Variants in TMEM220 observed in about 807,000 individuals in gnomAD.
TMEM220 encodes transmembrane protein 220.
TMEM220 carries 21 observed loss-of-function variants against 21.7 expected under a neutral mutation model. The ratio of observed to expected loss-of-function variants is 0.97; its 90% CI spans 0.69 to 1.39. TMEM220 has a LOEUF of 1.39. TMEM220 is among the 40% of genes most tolerant of loss of function. The probability of loss-of-function intolerance (pLI) is 0.00; values close to 1 mark genes in which losing one functional copy is unlikely to be tolerated. For missense variants in TMEM220, 191 were observed against 201.9 expected (o/e 0.95, Z 0.33); for synonymous variants, 80 against 73.6 (o/e 1.09, Z -0.45).
intron 3 of TMEM220, 56 bp downstream of exon 3, chr17:10,726,148 A>C: frequency 6.8e-7 from 1 of 1,474,164 alleles, no homozygotes. Context: ...ATAGACCCTC[A>C]TTATTATGAG....
intron 5 of TMEM220, among the ~76,000 whole-genome samples, chr17:10,720,052 T>C (rs977807050): frequency 9.8e-5 from 15 of 152,336 alleles, no homozygotes; most frequent in Non-Finnish European, 2.1e-4. Context: ...TTCAAGATTT[T>C]GATAACATAC....
intron 5 of TMEM220, among the ~76,000 whole-genome samples, chr17:10,720,541 A>G (rs2074975229): frequency 6.6e-6 from 1 of 152,216 alleles, no homozygotes; most frequent in Non-Finnish European, 1.5e-5. Context: ...ATTTTCCCCC[A>G]TAGGGAAAGG....
At chr17:10,721,331 G>A (rs950227804) in intron 5 of TMEM220, among the ~76,000 whole-genome samples, 1 of 152,086 alleles carries the variant, frequency 6.6e-6, no homozygotes, top group South Asian at 2.1e-4. Flanking sequence ...TAAACTGGCC[G>A]GGTGCAGTGG....
intron 1 of TMEM220, 53 bp from the exon 2 acceptor site, chr17:10,729,113 C>T: frequency 1.9e-6 from 3 of 1,603,708 alleles, no homozygotes; most frequent in Non-Finnish European, 2.6e-6. Context: ...TGTTCCATTC[C>T]TTTTAAATTC....
At chr17:10,712,918 G>C (rs561342443), downstream of TMEM220, among the ~76,000 whole-genome samples, 4 of 152,282 alleles carry the variant, frequency 2.6e-5, no homozygotes, top group African/African-American at 9.6e-5. Flanking sequence ...TGGGGAATAC[G>C]TGATTAGATT....
At chr17:10,718,562 AT>A (rs2074951271) in intron 5 of TMEM220, among the ~76,000 whole-genome samples, 1 of 152,052 alleles carries the variant, frequency 6.6e-6, no homozygotes. Context: ...TAAAAAAAAA[AT>A]GTACTTATGT....
At chr17:10,719,785 A>G (rs2074966539) in intron 5 of TMEM220, among the ~76,000 whole-genome samples, 1 of 152,244 alleles carries the variant, frequency 6.6e-6, no homozygotes, top group Admixed American at 6.5e-5. Flanking sequence ...TATACTTTGC[A>G]TAAGCAAAGT....
chr17:10,725,851 G>C (rs2075043334), intron 3 of TMEM220, among the ~76,000 whole-genome samples: 1 of 152,170 alleles, frequency 6.6e-6, no homozygotes. Flanking sequence ...CCTATACAAG[G>C]AGCCCAGGCA....
chr17:10,724,423 T>C (rs1361544203), intron 4 of TMEM220: 1 of 152,676 alleles, frequency 6.5e-6, no homozygotes, highest in Admixed American at 6.5e-5. Context: ...CTACTAAAAA[T>C]ACAAAAATTA....
intron 5 of TMEM220, among the ~76,000 whole-genome samples, chr17:10,722,359 C>A (rs1283139313): frequency 6.6e-6 from 1 of 152,250 alleles, no homozygotes; most frequent in Admixed American, 6.5e-5. Context: ...GAAATCTTTA[C>A]CTTTACATTT....
chr17:10,720,134 T>C (rs454033), intron 5 of TMEM220, among the ~76,000 whole-genome samples: 77,869 of 152,016 alleles, frequency 0.51, 20,749 homozygotes, highest in African/African-American at 0.66. Context: ...GGAAGAGCCA[T>C]CTGGAGGGGA....
chr17:10,712,979 T>C (rs552087046), downstream of TMEM220, among the ~76,000 whole-genome samples: 1 of 152,158 alleles, frequency 6.6e-6, no homozygotes, highest in Non-Finnish European at 1.5e-5. Flanking sequence ...TGAAAGATTT[T>C]AATAATAGAG....
chr17:10,727,559 G>A (rs2075062138), intron 2 of TMEM220, among the ~76,000 whole-genome samples: 1 of 152,208 alleles, frequency 6.6e-6, no homozygotes, highest in Admixed American at 6.5e-5. Flanking sequence ...TAAGCTGGAT[G>A]TCTGAGACTT....
chr17:10,730,004 C>CG lies in TMEM220; in HGVS notation c.-154_-153insC, dbSNP rs369235656. ...GGACACTGCCGTGGCCGTCGCTCCG[C>CG]CCGGGGGCGGGGAGCGAAGGGCGTG... On this transcript the variant is annotated 5_prime_UTR_variant, in exon 1 of 6. Transcript: ENST00000341871. 0.54 allele frequency: 666,167 copies of CG among 1,224,676 alleles called. 183,419 individuals carry two copies. The highest frequency in any genetic ancestry group is 0.63 in the East Asian group (19,794 of 31,302). 75.9% of individuals were successfully genotyped at this position (1,224,676 alleles called of 1,614,324 possible).
chr17:10,729,711 C>A, intron 1 of TMEM220, 69 bp downstream of exon 1: 1 of 1,279,260 alleles, frequency 7.8e-7, no homozygotes, highest in Non-Finnish European at 1.0e-6. Flanking sequence ...TAGTCAGTTA[C>A]ACGGCCCGCT....
chr17:10,720,869 C>T (rs1413723167), intron 5 of TMEM220, among the ~76,000 whole-genome samples: 1 of 152,034 alleles, frequency 6.6e-6, no homozygotes, highest in Non-Finnish European at 1.5e-5. Context: ...TAGAATAAAT[C>T]AAATGGGTGA....
chr17:10,728,609 C>T (rs996582930), intron 2 of TMEM220, among the ~76,000 whole-genome samples: 3 of 152,148 alleles, frequency 2.0e-5, no homozygotes, highest in South Asian at 4.1e-4. Context: ...CCTTGCCCAG[C>T]CAGGAGTTAA....
rs2074877269 is a variant in TMEM220 at position 10,713,999 on chromosome 17, T to A, written c.*1454A>T. The A allele has an allele frequency of 6.6e-6, 1 of 152,218 alleles. No homozygotes were observed. Among genetic ancestry groups the A allele is most frequent in the African/African-American group, 2.4e-5 (1 of 41,444 alleles). 9.4% of individuals were successfully genotyped at this position (152,218 alleles called of 1,614,324 possible). Reference sequence around the variant, plus strand: ...CTGACCACAGAGTTTGATGCTTGTGTATGTAAAATGTTGCCATCTAGATAC... The same window carrying A: ...CTGACCACAGAGTTTGATGCTTGTGAATGTAAAATGTTGCCATCTAGATAC... On this transcript the variant is annotated 3_prime_UTR_variant, in exon 6 of 6. Coordinates refer to ENST00000341871, the MANE Select transcript of TMEM220 (RefSeq NM_001004313.3).
At chr17:10,723,485 A>G (rs2075016428) in intron 4 of TMEM220, among the ~76,000 whole-genome samples, 156 bp from the exon 5 acceptor site, 1 of 152,216 alleles carries the variant, frequency 6.6e-6, no homozygotes, top group Non-Finnish European at 1.5e-5. Flanking sequence ...AAATCTGACC[A>G]TGATTCATAA....
Sources: gnomAD v4.1 joint callset for allele counts (sites outside exome capture counted in the v4.1 genomes callset) on GRCh38, gnomAD v4.1.1 for gene constraint, MANE v1.5 for transcripts, NCBI Gene and HGNC (gene_info 2026-07-23, HGNC 2026-07-21) for gene names.